FRMD4A: variants seen among roughly 807,000 people sequenced by gnomAD.
FRMD4A encodes the protein FERM domain-containing protein 4A.
FRMD4A carries 29 observed loss-of-function variants against 129.1 expected under a neutral mutation model. The ratio of observed to expected loss-of-function variants is 0.22; its 90% confidence interval spans 0.17 to 0.31. The LOEUF is 0.31. Among genes scored for constraint, FRMD4A ranks in the 10% least tolerant of loss-of-function variants. The pLI is 1.00. For synonymous variants in FRMD4A, 634 were observed against 571.6 expected (o/e 1.11, Z -1.56); for missense variants, 1,272 against 1,375.8 (o/e 0.92, Z 1.19).
intron 3 of FRMD4A, among the ~76,000 whole-genome samples, chr10:13,850,264 T>C (rs897256723): frequency 7.2e-5 from 11 of 152,232 alleles, no homozygotes; most frequent in Admixed American, 4.6e-4. Context: ...ATTACAGTTC[T>C]AGATTTTTAA....
At chr10:13,760,027 A>G (rs80237289) in intron 8 of FRMD4A, among the ~76,000 whole-genome samples, 2,015 of 152,066 alleles carry the variant, frequency 0.013, 81 homozygotes, top group South Asian at 0.12. Context: ...CTTTTAACTG[A>G]TTGGAAAAAG....
intron 2 of FRMD4A, chr10:14,007,272 T>G (rs1357584944): frequency 6.6e-6 from 1 of 152,206 alleles, no homozygotes; most frequent in Non-Finnish European, 1.5e-5. Flanking sequence ...CATGGGCTTT[T>G]GGGGTTTCTG....
chr10:13,713,697 C>A (rs908772219), intron 12 of FRMD4A, among the ~76,000 whole-genome samples: 1 of 150,502 alleles, frequency 6.6e-6, no homozygotes, highest in African/African-American at 2.4e-5. Context: ...GACTGGATCC[C>A]ATGTGCCCTG....
At chr10:14,152,386 C>T (rs1461421152) in intron 2 of FRMD4A, among the ~76,000 whole-genome samples, 2 of 152,014 alleles carry the variant, frequency 1.3e-5, no homozygotes, top group Non-Finnish European at 2.9e-5. Flanking sequence ...CCTCAGCCTC[C>T]CAAAGTGCTG....
chr10:14,097,956 TTATA>T (rs1263311409), intron 2 of FRMD4A, among the ~76,000 whole-genome samples: 1 of 142,598 alleles, frequency 7.0e-6, no homozygotes, highest in Admixed American at 7.2e-5. Flanking sequence ...TATATACAAA[TTATA>T]TATATTATAT....
At chr10:14,329,188 T>G (rs187204844) in intron 2 of FRMD4A, among the ~76,000 whole-genome samples, 2 of 152,200 alleles carry the variant, frequency 1.3e-5, no homozygotes. Flanking sequence ...CACTTATGCT[T>G]GGTTCATAAA....
chr10:13,740,546 G>A lies in FRMD4A; in HGVS notation c.580C>T (p.Leu194=). ...EDRVIEHYKK[L]NGQTRGQAIV... ...GCTTGACCTCTTGTCTGACCGTTCA[G>A]TTTCTTGTAGTGCTCAATGACTCTG... Residue 194 remains leucine (L), a synonymous_variant, in exon 10 of 25, where the codon CTG becomes TTG. Coordinates refer to ENST00000357447, the MANE Select transcript of FRMD4A (RefSeq NM_018027.5). The A allele has an allele frequency of 1.3e-6, 2 of 1,592,564 alleles. No individual in the cohort carries two copies. Among genetic ancestry groups the A allele is most frequent in the South Asian group, 1.1e-5 (1 of 89,342 alleles).
At chr10:13,724,225 A>G (rs1424292713) in intron 12 of FRMD4A, among the ~76,000 whole-genome samples, 1 of 152,178 alleles carries the variant, frequency 6.6e-6, no homozygotes, top group Non-Finnish European at 1.5e-5. Flanking sequence ...TGTCTCTACT[A>G]AAAATACAAA....
At chr10:13,651,656 G>C in intron 24 of FRMD4A, 1 of 496,086 alleles carries the variant, frequency 2.0e-6, no homozygotes, top group Non-Finnish European at 3.6e-6. Context: ...CTGGGCAACA[G>C]AACAAGACTC....
chr10:13,944,906 G>T (rs1465940393), intron 2 of FRMD4A, among the ~76,000 whole-genome samples: 2 of 152,218 alleles, frequency 1.3e-5, no homozygotes, highest in African/African-American at 4.8e-5. Context: ...TAGCCTGATG[G>T]GAACCCTGTG....
At chr10:13,729,011 C>A (rs1214125972) in intron 12 of FRMD4A, among the ~76,000 whole-genome samples, 1 of 152,270 alleles carries the variant, frequency 6.6e-6, no homozygotes, top group South Asian at 2.1e-4. Flanking sequence ...AATATGATTC[C>A]TTTTGTCCTT....
At chr10:13,809,840 A>T (rs1383361939) in intron 4 of FRMD4A, among the ~76,000 whole-genome samples, 1 of 152,234 alleles carries the variant, frequency 6.6e-6, no homozygotes, top group Non-Finnish European at 1.5e-5. Flanking sequence ...TTTGGATAAT[A>T]AGTCATAAGA....
intron 17 of FRMD4A, among the ~76,000 whole-genome samples, chr10:13,669,613 G>A (rs929342564): frequency 2.0e-5 from 3 of 152,140 alleles, no homozygotes; most frequent in African/African-American, 7.2e-5. Flanking sequence ...ACCTTTTAAG[G>A]CCTCTGTTCA....
chr10:13,831,991 C>G (rs1380229182), intron 3 of FRMD4A, among the ~76,000 whole-genome samples: 1 of 152,168 alleles, frequency 6.6e-6, no homozygotes, highest in Non-Finnish European at 1.5e-5. Flanking sequence ...AAGACTTTCA[C>G]TTCCTCTGTC....
At chr10:13,961,121 A>T (rs1169844945) in intron 2 of FRMD4A, among the ~76,000 whole-genome samples, 1 of 152,208 alleles carries the variant, frequency 6.6e-6, no homozygotes, top group Non-Finnish European at 1.5e-5. Flanking sequence ...GCCAGAATTT[A>T]TCTCTCCTTC....
At chr10:14,315,456 T>A (rs1846704003) in intron 2 of FRMD4A, among the ~76,000 whole-genome samples, 1 of 152,194 alleles carries the variant, frequency 6.6e-6, no homozygotes, top group South Asian at 2.1e-4. Context: ...GCCTCATGTA[T>A]GCGAGTAAAA....
intron 9 of FRMD4A, among the ~76,000 whole-genome samples, chr10:13,742,446 T>C (rs2135058250): frequency 6.6e-6 from 1 of 152,314 alleles, no homozygotes; most frequent in Non-Finnish European, 1.5e-5. Context: ...TCACCCTCCC[T>C]GTCCTCTGTC....
In FRMD4A at chr10:13,699,216, T is replaced by C. The variant is rs562089060; in HGVS notation, c.975+2124A>G. 2.8e-5 allele frequency among the ~76,000 whole-genome samples: 4 copies of C among 141,118 alleles called. No individual in the cohort carries two copies. In the East Asian group the frequency reaches 8.4e-4, roughly 30 times the overall value. The allele number at this position is 141,118 out of a possible 152,430, so 92.6% of individuals were successfully genotyped here. A position where few individuals can be genotyped will look rare whatever the true frequency, so the allele number is the denominator to read the frequency against. On this transcript the variant is annotated intron_variant, in intron 14 of 24. Coordinates refer to ENST00000357447, the MANE Select transcript of FRMD4A (RefSeq NM_018027.5). ...GATTACAGATGCCTGCCACGATGCT[T>C]GGTTATTGTTTTTTTTTTTTTTTTT...
chr10:13,866,252 G>A, intron 2 of FRMD4A: 1 of 962,230 alleles, frequency 1.0e-6, no homozygotes, highest in Non-Finnish European at 1.2e-6. Context: ...GGCCCTACCA[G>A]TGACTTACCG....
Sources: gnomAD v4.1 joint callset for allele counts (sites outside exome capture counted in the v4.1 genomes callset) on GRCh38, gnomAD v4.1.1 for gene constraint, MANE v1.5 for transcripts, NCBI Gene and HGNC (gene_info 2026-07-23, HGNC 2026-07-21) for gene names.